LMBR1: variants seen among roughly 807,000 people sequenced by gnomAD.
The protein encoded by LMBR1 is limb development membrane protein 1.
Under a neutral mutation model 73.9 loss-of-function variants are expected in LMBR1, and 52 were observed. The ratio of observed to expected loss-of-function variants is 0.70; its 90% CI spans 0.56 to 0.89. LMBR1 has a LOEUF of 0.89. LMBR1 is among the 40% of genes least tolerant of loss of function. The pLI is 0.00. For missense variants in LMBR1, 539 were observed against 579.8 expected (o/e 0.93, Z 0.72); for synonymous variants, 215 against 209.4 (o/e 1.03, Z -0.23).
chr7:156,868,350 T>C (rs554963874), intron 1 of LMBR1, among the ~76,000 whole-genome samples: 1 of 151,450 alleles, frequency 6.6e-6, no homozygotes. Flanking sequence ...CACACCCCCA[T>C]GCCTGGCTAA....
intron 4 of LMBR1, among the ~76,000 whole-genome samples, chr7:156,671,693 C>T (rs921796320): frequency 6.6e-6 from 1 of 152,156 alleles, no homozygotes; most frequent in Admixed American, 6.5e-5. Flanking sequence ...CTCATGAGCA[C>T]AGTCCCCAAC....
intron 9 of LMBR1, among the ~76,000 whole-genome samples, chr7:156,744,164 A>C (rs1819415812): frequency 6.6e-6 from 1 of 152,122 alleles, no homozygotes; most frequent in African/African-American, 2.4e-5. Context: ...CCACCTCCCG[A>C]GTAGCTGGGA....
intron 9 of LMBR1, among the ~76,000 whole-genome samples, chr7:156,738,991 G>C (rs577536940): frequency 6.6e-6 from 1 of 152,284 alleles, no homozygotes; most frequent in Middle Eastern, 3.4e-3. Flanking sequence ...GTACTAGCTT[G>C]GCCACAGTGG....
intron 8 of LMBR1, among the ~76,000 whole-genome samples, chr7:156,757,102 C>T (rs957507925): frequency 3.9e-5 from 6 of 152,172 alleles, no homozygotes; most frequent in Admixed American, 2.6e-4. Context: ...AGAAGTGAGC[C>T]ACCACACCCG....
intron 1 of LMBR1, among the ~76,000 whole-genome samples, chr7:156,849,443 C>T (rs1005988418): frequency 1.3e-5 from 2 of 152,138 alleles, no homozygotes; most frequent in Non-Finnish European, 2.9e-5. Context: ...CACCAAACCC[C>T]TGTGAAACAT....
intron 4 of LMBR1, among the ~76,000 whole-genome samples, chr7:156,809,764 T>C (rs1832770110): frequency 6.6e-6 from 1 of 152,188 alleles, no homozygotes; most frequent in East Asian, 1.9e-4. Flanking sequence ...TTATTATTGC[T>C]CCTCTGAACT....
At chr7:156,820,442 T>C (rs10807643) in intron 4 of LMBR1, among the ~76,000 whole-genome samples, 69,324 of 151,984 alleles carry the variant, frequency 0.46, 15,987 homozygotes, top group East Asian at 0.61. Context: ...TGGCCCATTA[T>C]GTTGACGATA....
At chr7:156,832,756 C>T (rs892981870) in intron 3 of LMBR1, among the ~76,000 whole-genome samples, 1 of 152,306 alleles carries the variant, frequency 6.6e-6, no homozygotes, top group South Asian at 2.1e-4. Flanking sequence ...GCAAAGGATG[C>T]ATAATCTGAT....
At chr7:156,817,733 A>G (rs975239705) in intron 4 of LMBR1, among the ~76,000 whole-genome samples, 7 of 152,226 alleles carry the variant, frequency 4.6e-5, no homozygotes, top group Non-Finnish European at 7.4e-5. Flanking sequence ...TGCATATCAT[A>G]AAATCCTACA....
rs148382061 is a variant in LMBR1, at chr7:156,877,956, T to C, written c.66+14972A>G. Among the ~76,000 whole-genome samples the C allele has an allele frequency of 1.9e-4, 29 of 150,740 alleles. No individual in the cohort carries two copies. The East Asian group carries it at 5.5e-3, about 28-fold the overall frequency. On this transcript the variant is annotated intron_variant, in intron 1 of 16. Coordinates refer to ENST00000353442, the MANE Select transcript of LMBR1 (RefSeq NM_022458.4). ...AACAGAATTAAAAACAAAAATCACA[T>C]GATCATCTAAATAGACACAGAAAAA...
intron 1 of LMBR1, among the ~76,000 whole-genome samples, chr7:156,858,200 C>T (rs140628116): frequency 5.4e-4 from 82 of 151,742 alleles, no homozygotes; most frequent in African/African-American, 1.8e-3. Context: ...CTAGCCAGGC[C>T]AACCAAGTAG....
chr7:156,786,701 G>C (rs745866524), intron 5 of LMBR1, among the ~76,000 whole-genome samples: 1 of 152,202 alleles, frequency 6.6e-6, no homozygotes. Flanking sequence ...GGTTTTGTTT[G>C]GGCCTGCTTA....
intron 15 of LMBR1, among the ~76,000 whole-genome samples, chr7:156,691,217 G>A (rs1238933294): frequency 6.6e-6 from 1 of 152,074 alleles, no homozygotes; most frequent in Admixed American, 6.5e-5. Context: ...ATGTCCATTT[G>A]GAAGTTCATT....
At chr7:156,805,687 G>C (rs1325498510) in intron 4 of LMBR1, among the ~76,000 whole-genome samples, 3 of 152,206 alleles carry the variant, frequency 2.0e-5, no homozygotes, top group Admixed American at 2.0e-4. Context: ...AATCTTGACA[G>C]GCATGGTGTT....
downstream of LMBR1, chr7:156,675,994 G>A (rs73741505): frequency 6.9e-3 from 6,553 of 947,108 alleles, 236 homozygotes; most frequent in African/African-American, 0.083. Context: ...GGGTGCAGCC[G>A]TGGAGGCTGT....
intron 4 of LMBR1, among the ~76,000 whole-genome samples, chr7:156,809,015 CT>C (rs1001930878): frequency 1.3e-5 from 2 of 152,188 alleles, no homozygotes; most frequent in African/African-American, 4.8e-5. Context: ...ATTGTTACTA[CT>C]TTTTAAACAG....
In LMBR1 at chr7:156,872,901, C is replaced by T. The variant is rs552113406; in HGVS notation, c.66+20027G>A. On this transcript the variant is annotated intron_variant, in intron 1 of 16. Coordinates refer to ENST00000353442, the MANE Select transcript of LMBR1 (RefSeq NM_022458.4). ...AAGACGCTCTGAAAGAAGCAGATTG[C>T]TCCTGCAGGACCCAGGAGGCAGTCC... Among the ~76,000 whole-genome samples the T allele has an allele frequency of 4.6e-5, 7 of 152,300 alleles. No homozygotes were observed. In the East Asian group the frequency reaches 1.4e-3, roughly 29 times the overall value.
At chr7:156,839,585 T>C (rs1412159511) in intron 1 of LMBR1, among the ~76,000 whole-genome samples, 1 of 152,166 alleles carries the variant, frequency 6.6e-6, no homozygotes, top group Non-Finnish European at 1.5e-5. Context: ...CTTGTGTGTA[T>C]TTCTGAAGAA....
intron 15 of LMBR1, among the ~76,000 whole-genome samples, chr7:156,723,461 GA>G (rs1229325057): frequency 6.6e-6 from 1 of 152,076 alleles, no homozygotes; most frequent in Non-Finnish European, 1.5e-5. Context: ...ATTTAGTGAA[GA>G]ACTCAGAATA....
Sources: allele counts gnomAD v4.1 joint callset (sites outside exome capture counted in the v4.1 genomes callset), GRCh38; gene constraint gnomAD v4.1.1; transcripts MANE v1.5; gene names NCBI Gene and HGNC (gene_info 2026-07-23, HGNC 2026-07-21).